RBMS1: variants seen among roughly 807,000 people sequenced by gnomAD.
RBMS1 encodes RNA-binding motif, single-stranded-interacting protein 1.
In RBMS1, 17 loss-of-function variants were observed where a neutral mutation model predicts 62.3. The ratio of observed to expected loss-of-function variants is 0.27; its 90% CI spans 0.19 to 0.41. The LOEUF (loss-of-function observed/expected upper bound fraction) is 0.41, where lower values mean the gene tolerates loss of function less well. RBMS1 is among the 10% of genes least tolerant of loss of function. The pLI, the probability that RBMS1 is intolerant of heterozygous loss-of-function variation, is 1.00. For synonymous variants in RBMS1, 172 were observed against 170.0 expected, an observed-to-expected ratio of 1.01 and a Z score of -0.09; for missense variants, 334 against 504.5, an observed-to-expected ratio of 0.66 and a Z score of 3.24.
At chr2:160,337,157 A>G (rs1302214885) in intron 2 of RBMS1, among the ~76,000 whole-genome samples, 1 of 135,474 alleles carries the variant, frequency 7.4e-6, no homozygotes, top group Non-Finnish European at 1.6e-5. Context: ...TTTTTGAGCC[A>G]GAGTCTCGCT....
rs191911341 is a variant in RBMS1 at position 160,328,973 on chromosome 2, T to C, written c.252-10746A>G. Among the ~76,000 whole-genome samples the C allele has an allele frequency of 1.6e-3, 240 of 152,304 alleles. 1 individual carries two copies. The highest frequency in any genetic ancestry group is 1.9e-3 in the Non-Finnish European group (132 of 68,028). On this transcript the variant is annotated intron_variant, in intron 2 of 13. Coordinates refer to ENST00000348849, the MANE Select transcript of RBMS1 (RefSeq NM_016836.4). The stretch of plus-strand genomic sequence containing the variant: ...CTCTCTGAAGCAAAACAGAGTTATC[T>C]GAAGCTATTAAAACAGTGTGCAAAA...
At chr2:160,383,578 T>C (rs1694405098) in intron 1 of RBMS1, among the ~76,000 whole-genome samples, 2 of 152,108 alleles carry the variant, frequency 1.3e-5, no homozygotes, top group African/African-American at 4.8e-5. Flanking sequence ...ACATACAATG[T>C]GTAGTAATCA....
At chr2:160,278,416 CAT>C in intron 11 of RBMS1, 130 bp downstream of exon 11, 1 of 738,932 alleles carries the variant, frequency 1.4e-6, no homozygotes, top group Non-Finnish European at 2.4e-6. Flanking sequence ...TATGGAAGGT[CAT>C]GTGGGGGGAA....
intron 1 of RBMS1, among the ~76,000 whole-genome samples, chr2:160,367,900 G>C (rs72974962): frequency 1.3e-5 from 2 of 152,172 alleles, no homozygotes; most frequent in Admixed American, 6.5e-5. Context: ...TTCTAAGACA[G>C]GCACACGACT....
chr2:160,442,844 G>A (rs978336168), intron 1 of RBMS1, among the ~76,000 whole-genome samples: 7 of 151,966 alleles, frequency 4.6e-5, no homozygotes, highest in African/African-American at 1.2e-4. Flanking sequence ...GGCACTAAGG[G>A]AACTCATGGG....
intron 1 of RBMS1, among the ~76,000 whole-genome samples, chr2:160,426,297 A>AGAAAAGAAAGAAG (rs1559537519): frequency 7.1e-5 from 4 of 56,170 alleles, no homozygotes; most frequent in Admixed American, 3.9e-4. Flanking sequence ...AAGAAAAGAA[A>AGAAAAGAAAGAAG]GAAGGAAGGA....
chr2:160,281,099 A>G (rs1037946082), intron 10 of RBMS1, among the ~76,000 whole-genome samples: 6 of 152,218 alleles, frequency 3.9e-5, no homozygotes, highest in Non-Finnish European at 8.8e-5. Flanking sequence ...CAAATATGAT[A>G]TATTTTAAGT....
intron 1 of RBMS1, among the ~76,000 whole-genome samples, chr2:160,477,788 C>T (rs1009262931): frequency 1.3e-5 from 2 of 152,062 alleles, no homozygotes; most frequent in South Asian, 2.1e-4. Context: ...TATATCTTTC[C>T]GATTGAATGT....
chr2:160,348,683 C>A (rs1423071061), intron 2 of RBMS1, among the ~76,000 whole-genome samples: 3 of 152,102 alleles, frequency 2.0e-5, no homozygotes, highest in Non-Finnish European at 4.4e-5. Context: ...CTATCATAAG[C>A]AGCTCTTCAG....
At chr2:160,427,284 A>AT (rs2105280777) in intron 1 of RBMS1, among the ~76,000 whole-genome samples, 2 of 152,342 alleles carry the variant, frequency 1.3e-5, no homozygotes, top group South Asian at 4.1e-4. Flanking sequence ...TCTAAGAGAT[A>AT]TTTTTTAAAT....
intron 2 of RBMS1, among the ~76,000 whole-genome samples, chr2:160,340,751 T>C (rs1357852632): frequency 2.6e-5 from 4 of 152,238 alleles, no homozygotes; most frequent in African/African-American, 4.8e-5. Context: ...CATCCATTAA[T>C]GTTTGTAAAA....
chr2:160,303,243 T>C (rs750753474), intron 5 of RBMS1, 87 bp downstream of exon 5: 14 of 1,370,258 alleles, frequency 1.0e-5, no homozygotes, highest in Non-Finnish European at 1.4e-5. Flanking sequence ...TAGCTGAAAC[T>C]GTCTCTTCTT....
intron 1 of RBMS1, among the ~76,000 whole-genome samples, chr2:160,481,449 TTTAC>T (rs1472865338): frequency 6.6e-6 from 1 of 151,822 alleles, no homozygotes; most frequent in Non-Finnish European, 1.5e-5. Context: ...ATTGGTAAAT[TTTAC>T]TTCATTAAAA....
intron 4 of RBMS1, among the ~76,000 whole-genome samples, chr2:160,306,353 G>T (rs762949021): frequency 1.3e-4 from 20 of 151,998 alleles, no homozygotes; most frequent in Non-Finnish European, 2.2e-4. Context: ...AAAGTTTACC[G>T]ATGAGGAAAT....
At chr2:160,347,860 G>GAAT (rs1181123153) in intron 2 of RBMS1, among the ~76,000 whole-genome samples, 2 of 152,012 alleles carry the variant, frequency 1.3e-5, no homozygotes, top group African/African-American at 4.8e-5. Context: ...TCTTCTGTTT[G>GAAT]AATAGAGTGC....
chr2:160,475,343 C>T (rs1461262707), intron 1 of RBMS1, among the ~76,000 whole-genome samples: 2 of 152,212 alleles, frequency 1.3e-5, no homozygotes, highest in African/African-American at 4.8e-5. Flanking sequence ...CTCGGGCTTC[C>T]TATTGGTTCC....
chr2:160,411,401 G>T (rs767698462), intron 1 of RBMS1, among the ~76,000 whole-genome samples: 2 of 152,234 alleles, frequency 1.3e-5, no homozygotes, highest in African/African-American at 4.8e-5. Context: ...AGCGGGCAGA[G>T]AGTAGAGCAT....
chr2:160,333,476 A>G (rs958799460), intron 2 of RBMS1, among the ~76,000 whole-genome samples: 2 of 152,180 alleles, frequency 1.3e-5, no homozygotes, highest in African/African-American at 4.8e-5. Flanking sequence ...TCCCTGTTCC[A>G]AACCACATCC....
Position 160,275,632 on chromosome 2 carries a change from C to T in RBMS1, c.*5G>A. 3.1e-6 allele frequency: 5 copies of T among 1,613,282 alleles called. No individual in the cohort carries two copies. Among genetic ancestry groups the T allele is most frequent in the Non-Finnish European group, 4.2e-6 (5 of 1,179,422 alleles). Reference sequence around the variant, plus strand: ...TTATGAAGACCTTTCCCTCATACCTCACAGTTACTTATTAGGTTGAAAGGT... The same window carrying T: ...TTATGAAGACCTTTCCCTCATACCTTACAGTTACTTATTAGGTTGAAAGGT... On this transcript the variant is annotated splice_region_variant and 3_prime_UTR_variant, in exon 13 of 14. Transcript: ENST00000348849.
Sources: gnomAD v4.1 joint callset for allele counts (sites outside exome capture counted in the v4.1 genomes callset) on GRCh38, gnomAD v4.1.1 for gene constraint, MANE v1.5 for transcripts, NCBI Gene and HGNC (gene_info 2026-07-23, HGNC 2026-07-21) for gene names.